The following EYA4 variants were observed in gnomAD, a reference collection of about 807,000 sequenced individuals.
EYA4 encodes the protein EYA transcriptional coactivator and phosphatase 4, also known as protein phosphatase EYA4.
EYA4 carries 31 observed loss-of-function variants against 87.9 expected under a neutral mutation model. The ratio of observed to expected loss-of-function variants is 0.35; its 90% CI spans 0.27 to 0.48. The LOEUF is 0.48. Ranked by LOEUF, EYA4 falls within the 20% of genes least tolerant of loss-of-function variation. EYA4 has a pLI of 0.99. For missense variants in EYA4, 678 were observed against 761.4 expected, an observed-to-expected ratio of 0.89 and a Z score of 1.29; for synonymous variants, 263 against 270.6, an observed-to-expected ratio of 0.97 and a Z score of 0.28.
At chr6:133,297,352 A>T (rs564243654) in intron 2 of EYA4, among the ~76,000 whole-genome samples, 2 of 152,282 alleles carry the variant, frequency 1.3e-5, no homozygotes, top group East Asian at 3.9e-4. Context: ...ATGAATTTTG[A>T]TCCCAAATTG....
chr6:133,515,446 T>C lies in EYA4; in HGVS notation c.1616+11T>C. 7.3e-7 allele frequency: 1 copy of C among 1,361,214 alleles called. No individual in the cohort carries two copies. The highest frequency in any genetic ancestry group is 1.8e-4 in the Middle Eastern group (1 of 5,626). The allele number at this position is 1,361,214 out of a possible 1,614,324, so 84.3% of individuals were successfully genotyped here. A position where few individuals can be genotyped will look rare whatever the true frequency, so the allele number is the denominator to read the frequency against. ...AATTATTAGCACTAGGTAAGTGGAA[T>C]TGTTACCTTTCTATGTGTATCGTAT... On this transcript the variant is annotated intron_variant, in intron 17 of 19. Coordinates refer to ENST00000355286, the MANE Select transcript of EYA4 (RefSeq NM_004100.5).
At chr6:133,490,112 A>G (rs1428279484) in intron 13 of EYA4, among the ~76,000 whole-genome samples, 2 of 152,148 alleles carry the variant, frequency 1.3e-5, no homozygotes, top group African/African-American at 4.8e-5. Flanking sequence ...ATCAATTTCA[A>G]TTAATGAGTT....
At chr6:133,241,056 G>T (rs1056080252), upstream of EYA4, among the ~76,000 whole-genome samples, 3 of 152,098 alleles carry the variant, frequency 2.0e-5, no homozygotes, top group East Asian at 5.8e-4. Context: ...GGGTGGGGGC[G>T]GCGCGGAGGG....
At chr6:133,298,756 A>G (rs895208851) in intron 2 of EYA4, among the ~76,000 whole-genome samples, 2 of 152,220 alleles carry the variant, frequency 1.3e-5, no homozygotes, top group African/African-American at 4.8e-5. Context: ...CTTTTAAATT[A>G]TTTGCTAAAA....
At chr6:133,358,155 G>A (rs1001181116) in intron 2 of EYA4, among the ~76,000 whole-genome samples, 12 of 152,120 alleles carry the variant, frequency 7.9e-5, no homozygotes, top group Admixed American at 6.6e-4. Context: ...AAACACAGTG[G>A]TCTGAAACTA....
intron 1 of EYA4, among the ~76,000 whole-genome samples, chr6:133,241,991 A>T (rs1773984612): frequency 6.6e-6 from 1 of 152,162 alleles, no homozygotes; most frequent in African/African-American, 2.4e-5. Flanking sequence ...CTGCCCTAGA[A>T]GACGTCCCCA....
intron 2 of EYA4, among the ~76,000 whole-genome samples, chr6:133,312,414 A>G (rs1260452283): frequency 1.3e-5 from 2 of 152,112 alleles, no homozygotes; most frequent in African/African-American, 4.8e-5. Context: ...ACACACAGAG[A>G]TAAAGCAAGA....
intron 3 of EYA4, chr6:133,435,277 AGGTCACCCTGGCAGATG>A (rs2128594995): frequency 6.6e-6 from 1 of 152,380 alleles, no homozygotes; most frequent in Non-Finnish European, 1.5e-5. Flanking sequence ...CCGAGGCCTG[AGGTCACCCTGGCAGATG>A]GGTCACTTGC....
Position 133,531,251 on chromosome 6 carries a change from A to G in EYA4, c.*2446A>G. The G allele has an allele frequency of 1.3e-6, 2 of 1,513,998 alleles. No homozygotes were observed. Among genetic ancestry groups the G allele is most frequent in the Non-Finnish European group, 1.8e-6 (2 of 1,127,794 alleles). 93.8% of individuals were successfully genotyped at this position (1,513,998 alleles called of 1,614,324 possible). On this transcript the variant is annotated 3_prime_UTR_variant, in exon 20 of 20. Coordinates refer to ENST00000355286, the MANE Select transcript of EYA4 (RefSeq NM_004100.5). Reference sequence around the variant, plus strand: ...AAACCTAAATGCAAGGTTGACGGAGAACAGCTTGTCTGGCACAACAATGGT... The same window carrying G: ...AAACCTAAATGCAAGGTTGACGGAGGACAGCTTGTCTGGCACAACAATGGT...
intron 3 of EYA4, among the ~76,000 whole-genome samples, chr6:133,396,645 G>A (rs1465440336): frequency 6.6e-6 from 1 of 152,126 alleles, no homozygotes; most frequent in African/African-American, 2.4e-5. Flanking sequence ...ATTTATAGGT[G>A]TTTGTTTTAA....
In EYA4 at chr6:133,322,613, C is replaced by G. The variant is rs910389707; in HGVS notation, c.33+47800C>G. On this transcript the variant is annotated intron_variant, in intron 2 of 19. Transcript: ENST00000355286. ...GTATTACATCTCATAGTAGCTGGGC[C>G]TAATTTTCCAAAAAACAGCCAGAGG... Among the ~76,000 whole-genome samples, 26 of 152,048 alleles carry G rather than the reference C, an allele frequency of 1.7e-4. 1 individual carries two copies. Among genetic ancestry groups the G allele is most frequent in the African/African-American group, 6.0e-4 (25 of 41,380 alleles).
chr6:133,437,740 G>C (rs1232272510), intron 3 of EYA4, among the ~76,000 whole-genome samples: 1 of 152,110 alleles, frequency 6.6e-6, no homozygotes, highest in African/African-American at 2.4e-5. Context: ...GTAGCAGGGA[G>C]GAGAATGAAC....
intron 17 of EYA4, among the ~76,000 whole-genome samples, chr6:133,516,660 G>T (rs559289492): frequency 6.6e-6 from 1 of 150,952 alleles, no homozygotes; most frequent in Non-Finnish European, 1.5e-5. Flanking sequence ...GGAGGCGGAG[G>T]TTACACTGAG....
chr6:133,321,207 T>C (rs930848264), intron 2 of EYA4, among the ~76,000 whole-genome samples: 1 of 152,208 alleles, frequency 6.6e-6, no homozygotes, highest in African/African-American at 2.4e-5. Context: ...TTGTTTATAG[T>C]CTATTATGTT....
At chr6:133,376,031 T>A (rs977602494) in intron 2 of EYA4, among the ~76,000 whole-genome samples, 2 of 151,894 alleles carry the variant, frequency 1.3e-5, no homozygotes, top group African/African-American at 2.4e-5. Context: ...TCAGTCAGAT[T>A]CACATCTTAG....
intron 13 of EYA4, among the ~76,000 whole-genome samples, chr6:133,504,574 A>C (rs772299229): frequency 7.3e-5 from 11 of 151,588 alleles, no homozygotes; most frequent in Non-Finnish European, 1.3e-4. Context: ...TTAGCACTCA[A>C]TGCCTTTTTC....
At chr6:133,388,363 T>C (rs1244033865) in intron 3 of EYA4, among the ~76,000 whole-genome samples, 10 of 149,896 alleles carry the variant, frequency 6.7e-5, no homozygotes, top group Middle Eastern at 3.4e-3. Context: ...GCCGTAATCA[T>C]GCCACTGCAC....
Position 133,456,591 on chromosome 6 carries a change from A to G in EYA4, c.313A>G (p.Ser105Gly). ...TGCAGTCAAAACAGAGCCCTTGAAC[A>G]GCAGTGAAACCACAGCCACGACTGG... is the stretch of plus-strand genomic sequence containing the variant. ...LLAVKTEPLN[S>G]SETTATTGDG... Residue 105 changes from serine (S) to glycine (G), a missense_variant, in exon 6 of 20, where the codon AGC becomes GGC. Coordinates refer to ENST00000355286, the MANE Select transcript of EYA4 (RefSeq NM_004100.5). 6.2e-7 allele frequency: 1 copy of G among 1,613,686 alleles called. No homozygotes were observed. Among genetic ancestry groups the G allele is most frequent in the South Asian group, 1.1e-5 (1 of 91,078 alleles).
chr6:133,418,717 A>G (rs1177959645), intron 3 of EYA4, among the ~76,000 whole-genome samples: 1 of 152,214 alleles, frequency 6.6e-6, no homozygotes, highest in East Asian at 1.9e-4. Flanking sequence ...AGCTGGGGAA[A>G]TGGTAGTCCA....
Sources: allele counts gnomAD v4.1 joint callset (sites outside exome capture counted in the v4.1 genomes callset), GRCh38; gene constraint gnomAD v4.1.1; transcripts MANE v1.5; gene names NCBI Gene and HGNC (gene_info 2026-07-23, HGNC 2026-07-21).